SLC35F4: variants seen among roughly 807,000 people sequenced by gnomAD.
SLC35F4 encodes chromosome 14 open reading frame 36.
In SLC35F4, 24 loss-of-function variants were observed where a neutral mutation model predicts 44.2. The observed-to-expected ratio is 0.54, with a 90% confidence interval of 0.39 to 0.76. The LOEUF (loss-of-function observed/expected upper bound fraction) is 0.76, where lower values mean the gene tolerates loss of function less well. SLC35F4 is among the 30% of genes least tolerant of loss of function. SLC35F4 has a pLI of 0.00. For synonymous variants in SLC35F4, 238 were observed against 223.6 expected (o/e 1.06, Z -0.57); for missense variants, 562 against 586.1 (o/e 0.96, Z 0.42).
At chr14:57,817,954 T>C (rs1168525057) in intron 1 of SLC35F4, among the ~76,000 whole-genome samples, 2 of 151,980 alleles carry the variant, frequency 1.3e-5, no homozygotes, top group Non-Finnish European at 2.9e-5. Flanking sequence ...ATTAAAGCAA[T>C]AGGGAATGCA....
At chr14:57,767,687 A>C (rs1310392156) in intron 1 of SLC35F4, among the ~76,000 whole-genome samples, 1 of 152,120 alleles carries the variant, frequency 6.6e-6, no homozygotes, top group Non-Finnish European at 1.5e-5. Context: ...GAATAAATAA[A>C]ATTGAAAATA....
chr14:57,672,782 TA>T (rs1383130008), intron 1 of SLC35F4, among the ~76,000 whole-genome samples: 1 of 8,790 alleles, frequency 1.1e-4, no homozygotes, highest in Non-Finnish European at 1.5e-3. Flanking sequence ...AATTTTATTT[TA>T]TTTTTTTTTT....
chr14:57,649,905 C>T (rs2140195521), intron 1 of SLC35F4, among the ~76,000 whole-genome samples: 1 of 152,298 alleles, frequency 6.6e-6, no homozygotes, highest in Non-Finnish European at 1.5e-5. Context: ...CTGTGCCCTG[C>T]AGCCTCAGAT....
intron 1 of SLC35F4, among the ~76,000 whole-genome samples, chr14:57,926,595 T>C (rs148820667): frequency 7.9e-4 from 121 of 152,244 alleles, no homozygotes; most frequent in African/African-American, 2.5e-3. Context: ...CTGCTTTTCA[T>C]GGTCTTGCAC....
intron 1 of SLC35F4, among the ~76,000 whole-genome samples, chr14:57,665,481 A>C (rs951821541): frequency 2.0e-5 from 3 of 152,176 alleles, no homozygotes; most frequent in African/African-American, 7.2e-5. Flanking sequence ...AGGGATGATA[A>C]ATAACTTGTT....
chr14:57,611,344 G>A (rs1456925174), intron 1 of SLC35F4, among the ~76,000 whole-genome samples: 2 of 152,082 alleles, frequency 1.3e-5, no homozygotes, highest in Non-Finnish European at 2.9e-5. Flanking sequence ...AGACAGGATT[G>A]GTCATATGAA....
In SLC35F4 at chr14:57,949,159, T is replaced by G. The variant is rs150429916; in HGVS notation, n.282+32754A>C. Among the ~76,000 whole-genome samples, 60 of 152,342 alleles carry G rather than the reference T, an allele frequency of 3.9e-4. 1 individual carries two copies. The East Asian group carries it at 9.1e-3, about 23-fold the overall frequency. ...CCCCTACTATTATTGTGTTACCATC[T>G]ATCTCATTTCTTAGGTTTAGTAGTC... On this transcript the variant is annotated intron_variant and non_coding_transcript_variant, in intron 1 of 1. Transcript: ENST00000556568.
chr14:57,728,962 A>G (rs895925534), intron 1 of SLC35F4, among the ~76,000 whole-genome samples: 1 of 152,106 alleles, frequency 6.6e-6, no homozygotes, highest in Non-Finnish European at 1.5e-5. Flanking sequence ...TTCCTTCAGC[A>G]CTTTAAATAT....
At chr14:57,885,517 G>T (rs1228315067) in intron 1 of SLC35F4, among the ~76,000 whole-genome samples, 2 of 152,098 alleles carry the variant, frequency 1.3e-5, no homozygotes, top group African/African-American at 4.8e-5. Flanking sequence ...TCCAGCCTTA[G>T]GATCCTTTCA....
chr14:57,936,178 A>G lies in SLC35F4; in HGVS notation n.282+45735T>C, dbSNP rs185988313. 4.7e-3 allele frequency among the ~76,000 whole-genome samples: 713 copies of G among 152,370 alleles called. 3 individuals carry two copies. Among genetic ancestry groups the G allele is most frequent in the African/African-American group, 0.016 (657 of 41,592 alleles). Reference sequence around the variant, plus strand: ...TCTTAGTAATTTCACATGCAAAAAGATGGACCATTTGCTAAGCTTGAAGAA... The same window carrying G: ...TCTTAGTAATTTCACATGCAAAAAGGTGGACCATTTGCTAAGCTTGAAGAA... On this transcript the variant is annotated intron_variant and non_coding_transcript_variant, in intron 1 of 1. Transcript: ENST00000556568.
intron 1 of SLC35F4, among the ~76,000 whole-genome samples, chr14:57,685,796 T>C (rs1373430649): frequency 6.6e-6 from 1 of 152,202 alleles, no homozygotes; most frequent in East Asian, 1.9e-4. Flanking sequence ...TATTTGTTTG[T>C]TAGAGACTTT....
chr14:57,784,151 A>G (rs565121414), intron 1 of SLC35F4, among the ~76,000 whole-genome samples: 1 of 152,326 alleles, frequency 6.6e-6, no homozygotes, highest in East Asian at 1.9e-4. Context: ...GCTAATAGGT[A>G]TCACACCAGA....
intron 1 of SLC35F4, among the ~76,000 whole-genome samples, chr14:57,959,850 T>C (rs1890308546): frequency 6.6e-6 from 1 of 152,206 alleles, no homozygotes; most frequent in African/African-American, 2.4e-5. Flanking sequence ...CTGATATTAA[T>C]AAGACTCTTC....
chr14:57,704,784 G>A (rs1171980105), intron 1 of SLC35F4, among the ~76,000 whole-genome samples: 1 of 152,162 alleles, frequency 6.6e-6, no homozygotes, highest in Admixed American at 6.6e-5. Context: ...CAACCAAAAT[G>A]TCTCATTTAC....
intron 1 of SLC35F4, among the ~76,000 whole-genome samples, chr14:57,864,905 G>A (rs1436311462): frequency 6.6e-6 from 1 of 152,162 alleles, no homozygotes; most frequent in Non-Finnish European, 1.5e-5. Context: ...CTGGGGGAGG[G>A]GGACTGCGAG....
At chr14:57,792,959 T>C (rs1211807832) in intron 1 of SLC35F4, among the ~76,000 whole-genome samples, 2 of 152,064 alleles carry the variant, frequency 1.3e-5, no homozygotes, top group Non-Finnish European at 2.9e-5. Context: ...ATTAAGTGTA[T>C]TTTATTAAAA....
chr14:57,786,491 G>T (rs951152249), intron 1 of SLC35F4, among the ~76,000 whole-genome samples: 1 of 152,120 alleles, frequency 6.6e-6, no homozygotes, highest in African/African-American at 2.4e-5. Flanking sequence ...AACCACCAAA[G>T]CTAAGAACCC....
chr14:57,920,089 T>C (rs1889413296), intron 1 of SLC35F4, among the ~76,000 whole-genome samples: 1 of 152,164 alleles, frequency 6.6e-6, no homozygotes, highest in African/African-American at 2.4e-5. Flanking sequence ...GTTGTTTCCT[T>C]ATCTTCAGTT....
intron 1 of SLC35F4, among the ~76,000 whole-genome samples, chr14:57,709,289 G>A (rs1413807521): frequency 2.0e-5 from 3 of 152,142 alleles, no homozygotes; most frequent in African/African-American, 7.2e-5. Context: ...TGGCATTACC[G>A]CTAGACCAAG....
Sources: allele counts gnomAD v4.1 joint callset (sites outside exome capture counted in the v4.1 genomes callset), GRCh38; gene constraint gnomAD v4.1.1; transcripts MANE v1.5; gene names NCBI Gene and HGNC (gene_info 2026-07-23, HGNC 2026-07-21).